The following HERC6 variants were observed in gnomAD, a reference collection of about 807,000 sequenced individuals.
The protein encoded by HERC6 is HECT and RLD domain containing E3 ubiquitin protein ligase family member 6, also known as probable E3 ubiquitin-protein ligase HERC6.
HERC6 carries 101 observed loss-of-function variants against 114.5 expected under a neutral mutation model. The ratio of observed to expected loss-of-function variants is 0.88; its 90% CI spans 0.75 to 1.04. The LOEUF (loss-of-function observed/expected upper bound fraction) is 1.04. Ranked by LOEUF, HERC6 falls within the 50% of genes least tolerant of loss-of-function variation. The pLI is 0.00. For missense variants in HERC6, 1,133 were observed against 1,230.9 expected (o/e 0.92, Z 1.19); for synonymous variants, 408 against 436.2 (o/e 0.94, Z 0.81).
At chr4:88,418,501 C>T (rs560008766) in intron 13 of HERC6, among the ~76,000 whole-genome samples, 1 of 152,240 alleles carries the variant, frequency 6.6e-6, no homozygotes, top group Non-Finnish European at 1.5e-5. Flanking sequence ...TGCTTTTAAG[C>T]GAATTTTCTG....
chr4:88,383,522 G>A (rs1456102731), intron 2 of HERC6, 142 bp downstream of exon 2: 4 of 582,032 alleles, frequency 6.9e-6, no homozygotes, highest in East Asian at 7.2e-5. Flanking sequence ...ACTTTGGAAG[G>A]CTAAGGTGGG....
At chr4:88,404,725 C>T (rs1395056819) in intron 8 of HERC6, 151 bp from the exon 9 acceptor site, 2 of 920,546 alleles carry the variant, frequency 2.2e-6, no homozygotes, top group African/African-American at 1.7e-5. Context: ...GTGGAATAGC[C>T]CTACCGGTCT....
intron 6 of HERC6, among the ~76,000 whole-genome samples, 157 bp from the exon 7 acceptor site, chr4:88,396,694 T>C (rs1327062779): frequency 6.6e-6 from 1 of 152,236 alleles, no homozygotes; most frequent in African/African-American, 2.4e-5. Flanking sequence ...CCACATCCTT[T>C]GATGCCCTCT....
At chr4:88,416,405 T>C (rs1390426130) in intron 12 of HERC6, among the ~76,000 whole-genome samples, 1 of 152,200 alleles carries the variant, frequency 6.6e-6, no homozygotes. Flanking sequence ...AATTAATCCT[T>C]TATCAATAAT....
chr4:88,407,566 AT>A (rs1243675113), intron 10 of HERC6, among the ~76,000 whole-genome samples: 187 of 144,702 alleles, frequency 1.3e-3, no homozygotes, highest in Admixed American at 1.9e-3. Flanking sequence ...TGCCTGGCTA[AT>A]TTTTTTTTTT....
chr4:88,383,722 CCACTG>C (rs2110229221), intron 2 of HERC6, among the ~76,000 whole-genome samples: 1 of 134,516 alleles, frequency 7.4e-6, no homozygotes, highest in Admixed American at 8.4e-5. Flanking sequence ...TGGGACAGCG[CCACTG>C]CACTCCAGCC....
intron 15 of HERC6, among the ~76,000 whole-genome samples, chr4:88,426,020 C>T (rs987832298): frequency 2.0e-5 from 3 of 152,118 alleles, no homozygotes; most frequent in African/African-American, 4.8e-5. Flanking sequence ...TTTTATACCC[C>T]GCTAATTACA....
intron 13 of HERC6, among the ~76,000 whole-genome samples, chr4:88,420,290 A>G (rs1235537019): frequency 6.6e-6 from 1 of 152,220 alleles, no homozygotes; most frequent in African/African-American, 2.4e-5. Context: ...GATATGTGAT[A>G]AAGTTTCAAC....
intron 2 of HERC6, among the ~76,000 whole-genome samples, chr4:88,384,283 A>G (rs573799327): frequency 5.3e-5 from 8 of 152,214 alleles, no homozygotes; most frequent in Non-Finnish European, 1.2e-4. Context: ...ATGCTTGTAA[A>G]TAACCTTTGT....
In HERC6 at chr4:88,439,866, C is replaced by CTTA; in HGVS notation, c.2556-8_2556-7insTTA. ...TCTTTTTTTTTTTTTTTTTTTGCTT[C>CTTA]CCTCAAGGAGAGACTATGTTTCTAA... On this transcript the variant is annotated splice_polypyrimidine_tract_variant and splice_region_variant and intron_variant, in intron 20 of 22. Coordinates refer to ENST00000264346, the MANE Select transcript of HERC6 (RefSeq NM_017912.4). 1 of 985,730 alleles carries CTTA rather than the reference C, an allele frequency of 1.0e-6. No individual in the cohort carries two copies. Among genetic ancestry groups the CTTA allele is most frequent in the Non-Finnish European group, 1.3e-6 (1 of 772,494 alleles). The allele number at this position is 985,730 out of a possible 1,614,324, so 61.1% of individuals were successfully genotyped here.
chr4:88,424,845 G>A (rs1737440197), intron 15 of HERC6, 143 bp downstream of exon 15: 1 of 604,500 alleles, frequency 1.7e-6, no homozygotes, highest in Non-Finnish European at 2.8e-6. Flanking sequence ...CTTTGTTGTT[G>A]TTACTGTTTT....
At position 88,398,123 on chromosome 4, in the gene HERC6, A is replaced by G; in HGVS notation, c.1025-19A>G. 1.3e-6 allele frequency: 2 copies of G among 1,531,818 alleles called. No homozygotes were observed. Among genetic ancestry groups the G allele is most frequent in the Non-Finnish European group, 1.8e-6 (2 of 1,134,508 alleles). 94.9% of individuals were successfully genotyped at this position (1,531,818 alleles called of 1,614,324 possible). ...TTACTTCTAGAAACTCTAAGCATGG[A>G]TTTATGACTTTCTTTTAGACTTCGT... On this transcript the variant is annotated intron_variant, in intron 7 of 22. Transcript: ENST00000264346.
intron 20 of HERC6, 137 bp from the exon 21 acceptor site, chr4:88,439,737 C>T: frequency 1.3e-6 from 1 of 770,928 alleles, no homozygotes; most frequent in South Asian, 3.3e-5. Flanking sequence ...GGTCACAATA[C>T]AACATTCTTG....
intron 20 of HERC6, 57 bp from the exon 21 acceptor site, chr4:88,439,811 ATCTTTT>A (rs1199978933): frequency 3.0e-6 from 4 of 1,350,524 alleles, no homozygotes; most frequent in Non-Finnish European, 3.9e-6. Context: ...AAAGTATAAA[ATCTTTT>A]AATCATTGGC....
rs1265859548 is a variant in HERC6, at chr4:88,442,424, CAG to C, written c.3036_3037del (p.Gly1013IlefsTer38). ...CACTTCAAGTAGCCATCAACAACAA[CAG>C]AGGATTTGTCTCACCCATGCTCACA... ...EALQVAINNN[R>X]GFVSPMLTQS On this transcript the variant is annotated frameshift_variant, in exon 23 of 23. Transcript: ENST00000264346. LOFTEE classifies it low-confidence loss of function (END_TRUNC). The C allele has an allele frequency of 6.2e-7, 1 of 1,613,992 alleles. No homozygotes were observed. Among genetic ancestry groups the C allele is most frequent in the Admixed American group, 1.7e-5 (1 of 59,986 alleles).
chr4:88,387,740 T>G (rs1734661518), intron 3 of HERC6, among the ~76,000 whole-genome samples: 2 of 152,234 alleles, frequency 1.3e-5, no homozygotes, highest in Admixed American at 1.3e-4. Context: ...TTTAGAAGAT[T>G]GAGTGAGAGA....
chr4:88,405,287 C>T (rs1431680451), intron 9 of HERC6, among the ~76,000 whole-genome samples: 1 of 152,112 alleles, frequency 6.6e-6, no homozygotes, highest in African/African-American at 2.4e-5. Context: ...ATAGTTTACC[C>T]CTTTGGAGTT....
At chr4:88,434,446 T>C (rs1359722377) in intron 17 of HERC6, among the ~76,000 whole-genome samples, 1 of 152,168 alleles carries the variant, frequency 6.6e-6, no homozygotes, top group East Asian at 1.9e-4. Flanking sequence ...ACTGAAGTGA[T>C]TGCATTTGAA....
At chr4:88,390,931 A>G (rs140290494) in intron 4 of HERC6, 52 bp downstream of exon 4, 20 of 1,483,580 alleles carry the variant, frequency 1.3e-5, no homozygotes, top group Non-Finnish European at 1.8e-5. Flanking sequence ...TTCCAGGTGG[A>G]AGACCAACTT....
Sources: allele counts gnomAD v4.1 joint callset (sites outside exome capture counted in the v4.1 genomes callset), GRCh38; gene constraint gnomAD v4.1.1; transcripts MANE v1.5; gene names NCBI Gene and HGNC (gene_info 2026-07-23, HGNC 2026-07-21).